The following KCNAB1 variants were observed in gnomAD, a reference collection of about 807,000 sequenced individuals.
KCNAB1 encodes potassium voltage-gated channel subfamily A regulatory beta subunit 1.
A neutral mutation model predicts 64.6 loss-of-function variants in KCNAB1; 35 were observed. The ratio of observed to expected loss-of-function variants is 0.54; its 90% CI spans 0.41 to 0.72. The LOEUF (loss-of-function observed/expected upper bound fraction) is 0.72, where lower values mean the gene tolerates loss of function less well. Among genes scored for constraint, KCNAB1 ranks in the 30% least tolerant of loss-of-function variants. The pLI is 0.00. For missense variants in KCNAB1, 401 were observed against 512.9 expected (o/e 0.78, Z 2.11); for synonymous variants, 177 against 183.8 (o/e 0.96, Z 0.30).
chr3:156,488,935 A>C (rs1365274758), intron 8 of KCNAB1, among the ~76,000 whole-genome samples: 2 of 152,148 alleles, frequency 1.3e-5, no homozygotes, highest in Non-Finnish European at 2.9e-5. Flanking sequence ...AGAGTGAAGA[A>C]TGACTCCAAG....
intron 1 of KCNAB1, among the ~76,000 whole-genome samples, chr3:156,154,342 C>A (rs1358939423): frequency 5.3e-5 from 8 of 152,136 alleles, no homozygotes; most frequent in Non-Finnish European, 4.4e-5. Context: ...TCCCTCAATC[C>A]CACTGGCAAG....
At chr3:156,145,415 G>A (rs1189477221) in intron 1 of KCNAB1, among the ~76,000 whole-genome samples, 1 of 152,012 alleles carries the variant, frequency 6.6e-6, no homozygotes, top group Non-Finnish European at 1.5e-5. Flanking sequence ...ACATTCTCCT[G>A]CAACCATTTG....
chr3:156,511,532 G>A (rs1250273222), intron 8 of KCNAB1, among the ~76,000 whole-genome samples: 2 of 152,112 alleles, frequency 1.3e-5, no homozygotes, highest in African/African-American at 2.4e-5. Context: ...AGATATCTGG[G>A]AAACAGCTTT....
At chr3:156,365,730 T>G (rs570416604) in intron 1 of KCNAB1, among the ~76,000 whole-genome samples, 1 of 152,368 alleles carries the variant, frequency 6.6e-6, no homozygotes, top group South Asian at 2.1e-4. Context: ...TGCTTGCTAT[T>G]GCTCATTATC....
intron 1 of KCNAB1, among the ~76,000 whole-genome samples, chr3:156,321,320 A>G (rs1349060666): frequency 6.6e-6 from 1 of 152,184 alleles, no homozygotes; most frequent in Non-Finnish European, 1.5e-5. Context: ...CACCCAGAGG[A>G]ACCAGTGCAA....
intron 11 of KCNAB1, 94 bp downstream of exon 11, chr3:156,516,458 C>A: frequency 3.4e-6 from 3 of 894,140 alleles, no homozygotes; most frequent in Non-Finnish European, 5.6e-6. Context: ...GGCTTCCCAG[C>A]TCAGGCTGAC....
At chr3:156,118,688 T>G (rs2108246773), upstream of KCNAB1, among the ~76,000 whole-genome samples, 1 of 152,348 alleles carries the variant, frequency 6.6e-6, no homozygotes, top group Non-Finnish European at 1.5e-5. Flanking sequence ...GCAGAGCTCT[T>G]AAACACAACA....
intron 1 of KCNAB1, among the ~76,000 whole-genome samples, chr3:156,386,448 C>T (rs1397574856): frequency 1.3e-5 from 2 of 152,214 alleles, no homozygotes; most frequent in Non-Finnish European, 1.5e-5. Context: ...TCTTAATGCA[C>T]ATGACAGGGA....
intron 5 of KCNAB1, among the ~76,000 whole-genome samples, chr3:156,461,922 T>C (rs1310189528): frequency 6.6e-6 from 1 of 152,222 alleles, no homozygotes; most frequent in Non-Finnish European, 1.5e-5. Flanking sequence ...TTTGAGCCTA[T>C]AAAAGCTGTT....
At chr3:156,261,535 A>G (rs1332340970) in intron 1 of KCNAB1, among the ~76,000 whole-genome samples, 1 of 152,052 alleles carries the variant, frequency 6.6e-6, no homozygotes, top group Non-Finnish European at 1.5e-5. Flanking sequence ...CATTGTCAAA[A>G]GTTAAGGTTA....
At chr3:156,137,393 ACTGTAACATG>A (rs1407101547) in intron 1 of KCNAB1, among the ~76,000 whole-genome samples, 3 of 152,208 alleles carry the variant, frequency 2.0e-5, no homozygotes, top group African/African-American at 7.2e-5. Context: ...ACTCCCATGC[ACTGTAACATG>A]CACCCCCTCC....
At chr3:156,434,072 A>G (rs1161707318) in intron 2 of KCNAB1, among the ~76,000 whole-genome samples, 2 of 152,204 alleles carry the variant, frequency 1.3e-5, no homozygotes, top group East Asian at 1.9e-4. Context: ...CTCAATTAGC[A>G]TGGCCTGGAG....
rs111752364 is a variant in KCNAB1, at chr3:156,141,060, CT to C, written c.275+20186del. On this transcript the variant is annotated intron_variant, in intron 1 of 13. Coordinates refer to ENST00000490337, the MANE Select transcript of KCNAB1 (RefSeq NM_172160.3). Reference sequence around the variant, plus strand: ...AACCCATATGTGAGGAGTTTCTTTGCTTTTTTTTTTTTAAACTTTCTATTTT... The same window carrying C: ...AACCCATATGTGAGGAGTTTCTTTGCTTTTTTTTTTTAAACTTTCTATTTT... Among the ~76,000 whole-genome samples, 1,124 of 143,034 alleles carry C rather than the reference CT, an allele frequency of 7.9e-3. 13 individuals carry two copies. The highest frequency in any genetic ancestry group is 0.024 in the African/African-American group (957 of 39,252). 93.8% of individuals were successfully genotyped at this position (143,034 alleles called of 152,430 possible). A position where few individuals can be genotyped will look rare whatever the true frequency, so the allele number is the denominator to read the frequency against.
At chr3:156,275,730 T>C (rs956418733) in intron 1 of KCNAB1, among the ~76,000 whole-genome samples, 2 of 152,222 alleles carry the variant, frequency 1.3e-5, no homozygotes, top group Admixed American at 6.5e-5. Flanking sequence ...TATCTGTTCA[T>C]GTCTGACCAT....
At chr3:156,412,039 CT>C (rs1196524721) in intron 1 of KCNAB1, among the ~76,000 whole-genome samples, 2 of 152,008 alleles carry the variant, frequency 1.3e-5, no homozygotes, top group Non-Finnish European at 2.9e-5. Context: ...TTAGTTAGGT[CT>C]TTTTTCATTT....
At chr3:156,453,029 C>T in intron 3 of KCNAB1, 93 bp downstream of exon 3, 3 of 755,376 alleles carry the variant, frequency 4.0e-6, no homozygotes, top group East Asian at 5.2e-5. Context: ...TGACACTCTA[C>T]AGGGATAAGG....
chr3:156,311,976 G>T lies in KCNAB1; in HGVS notation c.276-109640G>T, dbSNP rs954735060. On this transcript the variant is annotated intron_variant, in intron 1 of 13. Coordinates refer to ENST00000490337, the MANE Select transcript of KCNAB1 (RefSeq NM_172160.3). ...CATGTCCCTACCTGGGCAGCAATCA[G>T]CTTTGGAGCACCCCACTCATCACAC... Among the ~76,000 whole-genome samples the T allele has an allele frequency of 2.0e-5, 3 of 152,182 alleles. No individual in the cohort carries two copies. The East Asian group carries it at 5.8e-4, about 29-fold the overall frequency.
At chr3:156,165,277 CAAAAAAAAAAAAAAAAAA>C (rs35419424) in intron 1 of KCNAB1, among the ~76,000 whole-genome samples, 3 of 27,136 alleles carry the variant, frequency 1.1e-4, no homozygotes, top group Non-Finnish European at 2.4e-4. Flanking sequence ...GACTCCGTCT[CAAAAAAAAAAAAAAAAAA>C]AAAAAAAAAA....
At chr3:156,143,305 T>C (rs1326567648) in intron 1 of KCNAB1, 1 of 1,613,612 alleles carries the variant, frequency 6.2e-7, no homozygotes, top group Middle Eastern at 1.6e-4. Flanking sequence ...TCAGGCGGCC[T>C]GCAAACCTGT....
Sources: gnomAD v4.1 joint callset for allele counts (sites outside exome capture counted in the v4.1 genomes callset) on GRCh38, gnomAD v4.1.1 for gene constraint, MANE v1.5 for transcripts, NCBI Gene and HGNC (gene_info 2026-07-23, HGNC 2026-07-21) for gene names.